Variants in LTF observed in about 807,000 individuals in gnomAD.
The protein encoded by LTF is lactotransferrin, also known as epididymis luminal protein 110.
In LTF, 91 loss-of-function variants were observed where a neutral mutation model predicts 87.2. That is an observed-to-expected ratio of 1.04 (90% CI 0.88 to 1.24). The LOEUF is 1.24. Among genes scored for constraint, LTF ranks in the 50% most tolerant of loss-of-function variants. The probability of loss-of-function intolerance (pLI) is 0.00; values close to 1 mark genes in which losing one functional copy is unlikely to be tolerated. For missense variants in LTF, 901 were observed against 904.3 expected (o/e 1.00, Z 0.05); for synonymous variants, 378 against 356.1 (o/e 1.06, Z -0.69).
chr3:46,477,142 C>T (rs1188211358), intron 1 of LTF, among the ~76,000 whole-genome samples: 3 of 152,230 alleles, frequency 2.0e-5, no homozygotes, highest in Non-Finnish European at 4.4e-5. Context: ...GTTCTAGGGG[C>T]TTCACATCCT....
At chr3:46,466,124 C>T (rs1228159869), upstream of LTF, among the ~76,000 whole-genome samples, 1 of 152,062 alleles carries the variant, frequency 6.6e-6, no homozygotes, top group Non-Finnish European at 1.5e-5. Flanking sequence ...CCTATGGTCC[C>T]AGCTACTTGG....
At position 46,472,426 on chromosome 3, in the gene LTF, C is replaced by T. The variant is rs117394035; in HGVS notation, c.-319-1960G>A. On this transcript the variant is annotated intron_variant, in intron 1 of 19. Transcript: ENST00000443496. The stretch of plus-strand genomic sequence containing the variant: ...CGTGATCAACCTAGCAAAACTTCAT[C>T]CTAAGCAAAGTCTTCCTCCAGAGGG... Among the ~76,000 whole-genome samples, 248 of 150,354 alleles carry T rather than the reference C, an allele frequency of 1.6e-3. 10 individuals carry two copies. In the East Asian group the frequency reaches 0.045, roughly 27 times the overall value.
chr3:46,477,349 C>T (rs1367740473), intron 1 of LTF, among the ~76,000 whole-genome samples: 1 of 152,242 alleles, frequency 6.6e-6, no homozygotes. Flanking sequence ...CTTCTAAGCC[C>T]AGATGAAGCC....
intron 1 of LTF, chr3:46,484,947 C>T (rs150285611): frequency 7.2e-5 from 11 of 152,396 alleles, no homozygotes; most frequent in Admixed American, 3.9e-4. Flanking sequence ...CGGCTGCTCT[C>T]GGAGCAGAGC....
In LTF at chr3:46,456,275, C is replaced by T. The variant is rs775237170; in HGVS notation, c.316+15G>A. The stretch of plus-strand genomic sequence containing the variant: ...TGAGGCCACCGTGGCCTCTGGGTCC[C>T]CAGGCAGAACTCACGTCTTTCGGTC... On this transcript the variant is annotated intron_variant, in intron 3 of 16. Transcript: ENST00000231751. The T allele has an allele frequency of 1.2e-6, 2 of 1,611,900 alleles. No individual in the cohort carries two copies. The highest frequency in any genetic ancestry group is 1.3e-5 in the African/African-American group (1 of 74,866).
Position 46,436,053 on chromosome 3 carries a change from G to A in LTF, c.*142C>T, listed in dbSNP as rs752768909. ...TTCTCATTTTACTTCTTGCTAAGAC[G>A]ACAGCAGGGAATTGTAAGCAGATGG... On this transcript the variant is annotated 3_prime_UTR_variant, in exon 17 of 17. Transcript: ENST00000231751. 1.3e-5 allele frequency: 10 copies of A among 748,586 alleles called. No individual in the cohort carries two copies. Among genetic ancestry groups the A allele is most frequent in the Non-Finnish European group, 1.9e-5 (8 of 428,824 alleles). 46.4% of individuals were successfully genotyped at this position (748,586 alleles called of 1,614,324 possible). A position where few individuals can be genotyped will look rare whatever the true frequency, so the allele number is the denominator to read the frequency against.
chr3:46,481,374 G>A (rs1042936276), intron 1 of LTF, among the ~76,000 whole-genome samples: 3 of 152,124 alleles, frequency 2.0e-5, no homozygotes, highest in African/African-American at 7.2e-5. Context: ...CCACCAACAG[G>A]GCTAGGTGTG....
At chr3:46,446,029 G>A (rs947932382) in intron 11 of LTF, among the ~76,000 whole-genome samples, 4 of 152,232 alleles carry the variant, frequency 2.6e-5, no homozygotes, top group Admixed American at 2.0e-4. Context: ...GTGGGCAGGA[G>A]GAGTGGTGCA....
intron 6 of LTF, among the ~76,000 whole-genome samples, chr3:46,452,683 C>T (rs1702832422): frequency 6.6e-6 from 1 of 152,092 alleles, no homozygotes; most frequent in Admixed American, 6.5e-5. Context: ...GCAAATACAC[C>T]AATGAAATAA....
intron 2 of LTF, among the ~76,000 whole-genome samples, chr3:46,459,170 A>G (rs2106891438): frequency 6.6e-6 from 1 of 152,338 alleles, no homozygotes; most frequent in Non-Finnish European, 1.5e-5. Context: ...AAGTCATGAT[A>G]CCCTTTTCTC....
upstream of LTF, among the ~76,000 whole-genome samples, chr3:46,466,419 T>C (rs958890778): frequency 3.9e-5 from 6 of 152,212 alleles, no homozygotes; most frequent in South Asian, 2.1e-4. Context: ...CTAAAAAGCA[T>C]TTCCTGGAGC....
At chr3:46,478,146 A>G (rs1703385349) in intron 1 of LTF, among the ~76,000 whole-genome samples, 1 of 152,022 alleles carries the variant, frequency 6.6e-6, no homozygotes, top group South Asian at 2.1e-4. Flanking sequence ...TATGACGTCC[A>G]CTTCTCTCTC....
At chr3:46,478,411 G>T (rs536525132) in intron 1 of LTF, among the ~76,000 whole-genome samples, 1 of 152,192 alleles carries the variant, frequency 6.6e-6, no homozygotes, top group Non-Finnish European at 1.5e-5. Context: ...GCTGAAGGTC[G>T]CTATGTTGGT....
chr3:46,464,618 C>A (rs992116743), intron 1 of LTF, among the ~76,000 whole-genome samples: 1 of 152,224 alleles, frequency 6.6e-6, no homozygotes, highest in Non-Finnish European at 1.5e-5. Flanking sequence ...GTGCCCCGAT[C>A]CGGCTTGAGG....
chr3:46,482,659 A>AGAAAGAAAGAAAGAAAGAAAGAAG (rs1553668626), intron 1 of LTF, among the ~76,000 whole-genome samples: 5 of 60,258 alleles, frequency 8.3e-5, no homozygotes, highest in Non-Finnish European at 1.3e-4. Context: ...AAAGAAAGAA[A>AGAAAGAAAGAAAGAAAGAAAGAAG]GAAGGAAGGA....
intron 6 of LTF, among the ~76,000 whole-genome samples, chr3:46,453,120 A>T: frequency 6.6e-6 from 1 of 152,276 alleles, no homozygotes; most frequent in East Asian, 1.9e-4. Flanking sequence ...TCCTTGAATC[A>T]AAATCATGCA....
At chr3:46,443,893 A>C (rs1702583576) in intron 12 of LTF, among the ~76,000 whole-genome samples, 1 of 152,204 alleles carries the variant, frequency 6.6e-6, no homozygotes, top group Non-Finnish European at 1.5e-5. Flanking sequence ...GGCTGTGTGC[A>C]GCAGAGCCTG....
At chr3:46,482,760 A>AAG (rs201666746) in intron 1 of LTF, among the ~76,000 whole-genome samples, 5,571 of 133,140 alleles carry the variant, frequency 0.042, 373 homozygotes, top group Middle Eastern at 0.074. Context: ...AGAAGGAAAG[A>AAG]GAAAGAAAGA....
At chr3:46,449,650 G>C (rs550806582) in intron 8 of LTF, among the ~76,000 whole-genome samples, 1 of 152,244 alleles carries the variant, frequency 6.6e-6, no homozygotes, top group African/African-American at 2.4e-5. Context: ...GGCCTGGGGA[G>C]CCTGACGTGC....
Sources: gnomAD v4.1 joint callset for allele counts (sites outside exome capture counted in the v4.1 genomes callset) on GRCh38, gnomAD v4.1.1 for gene constraint, MANE v1.5 for transcripts, NCBI Gene and HGNC (gene_info 2026-07-23, HGNC 2026-07-21) for gene names.